The following PRPF40B variants were observed in gnomAD, a reference collection of about 807,000 sequenced individuals.
PRPF40B encodes the protein pre-mRNA processing factor 40B.
In PRPF40B, 56 loss-of-function variants were observed where a neutral mutation model predicts 124.5. That is an observed-to-expected ratio of 0.45 (90% CI 0.36 to 0.56). PRPF40B has a LOEUF of 0.56. PRPF40B is among the 20% of genes least tolerant of loss of function. The pLI, the probability that PRPF40B is intolerant of heterozygous loss-of-function variation, is 0.00. For missense variants in PRPF40B, 1,053 were observed against 1,169.5 expected (o/e 0.90, Z 1.45); for synonymous variants, 443 against 426.4 (o/e 1.04, Z -0.48).
chr12:49,632,996 G>GGGGGGGGCCCCC lies in PRPF40B; in HGVS notation c.349-18_349-17insGGGGGGGCCCCC. 15 of 1,147,382 alleles carry GGGGGGGGCCCCC rather than the reference G, an allele frequency of 1.3e-5. No individual in the cohort carries two copies. Among genetic ancestry groups the GGGGGGGGCCCCC allele is most frequent in the Non-Finnish European group, 1.5e-5 (12 of 822,996 alleles). 71.1% of individuals were successfully genotyped at this position (1,147,382 alleles called of 1,614,324 possible). On this transcript the variant is annotated splice_polypyrimidine_tract_variant and intron_variant, in intron 6 of 25. Coordinates refer to ENST00000548825, the MANE Select transcript of PRPF40B (RefSeq NM_001031698.3). ...AAAGGGGCCTTGACCACCATTCTGT[G>GGGGGGGGCCCCC]CCCCCCCCCCCACCCAGAGGGCCCT...
At chr12:49,640,581 G>A (rs1049954174) in intron 18 of PRPF40B, 17 of 152,204 alleles carry the variant, frequency 1.1e-4, no homozygotes, top group African/African-American at 3.4e-4. Context: ...ACATGTTTTA[G>A]AGTCAGATTA....
chr12:49,630,034 G>A (rs1941073464), intron 1 of PRPF40B, among the ~76,000 whole-genome samples: 1 of 152,184 alleles, frequency 6.6e-6, no homozygotes, highest in Non-Finnish European at 1.5e-5. Flanking sequence ...TGAGAATTAG[G>A]GAGACAAGCA....
rs772585520 is a variant in PRPF40B, at chr12:49,635,211, C to T, written c.1114C>T (p.Leu372=). Residue 372 remains leucine, a synonymous_variant, in exon 13 of 26, where the codon CTG becomes TTG. Transcript: ENST00000548825. The surrounding 1 kb of genome is among the most constrained non-coding windows in gnomAD (Gnocchi z 4.1). ...AAGGGCCAAAGAGGCCAAGCAGACC[C>T]TGCAGCATTTCCTGGAGCAGCATGA... ...RLRAKEAKQT[L]QHFLEQHERM... 4 of 1,614,118 alleles carry T rather than the reference C, an allele frequency of 2.5e-6. No individual in the cohort carries two copies. Among genetic ancestry groups the T allele is most frequent in the Admixed American group, 1.7e-5 (1 of 60,020 alleles).
At chr12:49,624,343 C>T (rs1426306857) in intron 1 of PRPF40B, among the ~76,000 whole-genome samples, 1 of 152,094 alleles carries the variant, frequency 6.6e-6, no homozygotes, top group Non-Finnish European at 1.5e-5. Context: ...AAGATGGAGG[C>T]GAGGCCTTGG....
upstream of PRPF40B, chr12:49,623,551 CG>C (rs1191580778): frequency 8.0e-7 from 1 of 1,242,256 alleles, no homozygotes; most frequent in Non-Finnish European, 1.0e-6. Flanking sequence ...CTCTTACTGG[CG>C]GGTGGGCTGA....
chr12:49,634,825 A>G, intron 12 of PRPF40B: 2 of 643,652 alleles, frequency 3.1e-6, no homozygotes, highest in South Asian at 4.0e-5. Flanking sequence ...AATTGAATCA[A>G]ACGGAATTGA....
chr12:49,625,234 T>A (rs1940600994), intron 1 of PRPF40B, among the ~76,000 whole-genome samples: 1 of 152,224 alleles, frequency 6.6e-6, no homozygotes, highest in South Asian at 2.1e-4. Context: ...TGTGGCGCCA[T>A]CATCCTTGCT....
chr12:49,641,035 GGAGA>G (rs1942567997), intron 18 of PRPF40B: 1 of 152,230 alleles, frequency 6.6e-6, no homozygotes, highest in Non-Finnish European at 1.5e-5. Flanking sequence ...CTATGTGGAG[GGAGA>G]GAAAGGGAAT....
chr12:49,628,278 T>C (rs1013922674), intron 1 of PRPF40B, among the ~76,000 whole-genome samples: 3 of 152,146 alleles, frequency 2.0e-5, no homozygotes, highest in African/African-American at 7.2e-5. Flanking sequence ...GTTTTGTCTT[T>C]TTGAGAGTGT....
At chr12:49,630,041 A>G (rs1402432973) in intron 1 of PRPF40B, among the ~76,000 whole-genome samples, 4 of 152,242 alleles carry the variant, frequency 2.6e-5, no homozygotes, top group Non-Finnish European at 5.9e-5. Flanking sequence ...TAGGGAGACA[A>G]GCATTTTAAA....
chr12:49,633,917 C>T lies in PRPF40B; in HGVS notation c.637C>T (p.Gln213Ter). Residue 213 changes from glutamine to a stop codon, truncating the protein, a stop_gained, in exon 10 of 26, where the codon CAG (glutamine) becomes TAG (stop). Coordinates refer to ENST00000548825, the MANE Select transcript of PRPF40B (RefSeq NM_001031698.3). LOFTEE classifies it high-confidence loss of function. ...KQQQQLPQTLQPQPPQPQPDP... is the reference protein window; with the variant it reads ...KQQQQLPQTL ...GCAGCAGCAGCTGCCACAGACACTT[C>T]AGCCACAGCCACCTCAGCCACAGCC... 2.5e-6 allele frequency: 4 copies of T among 1,614,196 alleles called. No individual in the cohort carries two copies. The highest frequency in any genetic ancestry group is 3.4e-6 in the Non-Finnish European group (4 of 1,180,028).
At position 49,633,554 on chromosome 12, in the gene PRPF40B, T is replaced by A. The variant is rs751621195; in HGVS notation, c.580+7T>A. 8.2e-5 allele frequency: 132 copies of A among 1,614,110 alleles called. No homozygotes were observed. Among genetic ancestry groups the A allele is most frequent in the Non-Finnish European group, 9.4e-5 (111 of 1,180,032 alleles). On this transcript the variant is annotated splice_region_variant and intron_variant, in intron 8 of 25. Transcript: ENST00000548825. ...GATCTGGATGACCTAGAGGGTGAGATGTCCTACGGGTGGGCCAGGTCAGGA... is the reference window on the plus strand; with the variant it reads ...GATCTGGATGACCTAGAGGGTGAGAAGTCCTACGGGTGGGCCAGGTCAGGA...
upstream of PRPF40B, among the ~76,000 whole-genome samples, chr12:49,623,219 A>G (rs1940354215): frequency 6.6e-6 from 1 of 151,838 alleles, no homozygotes; most frequent in South Asian, 2.1e-4. Flanking sequence ...CACCCTACAC[A>G]CTGCGTGAAC....
rs147589180 is a variant in PRPF40B, at chr12:49,637,786, T to C, written c.1729T>C (p.Phe577Leu). Residue 577 changes from phenylalanine (F) to leucine (L), a missense_variant, in exon 18 of 26, where the codon TTC becomes CTC. Coordinates refer to ENST00000548825, the MANE Select transcript of PRPF40B (RefSeq NM_001031698.3). ...KFYVEELKAR[F>L]HDEKKIIKDI... is the part of the protein sequence containing the mutation. ...CTATGTGGAGGAGTTGAAGGCACGA[T>C]TCCATGATGAAAAGAAGATCATTAA... The C allele has an allele frequency of 2.5e-6, 4 of 1,607,908 alleles. No homozygotes were observed. Among genetic ancestry groups the C allele is most frequent in the Non-Finnish European group, 3.4e-6 (4 of 1,176,242 alleles).
chr12:49,633,643 T>C lies in PRPF40B; in HGVS notation c.587T>C (p.Val196Ala), dbSNP rs770296776. The C allele has an allele frequency of 1.9e-6, 3 of 1,614,054 alleles. No individual in the cohort carries two copies. The African/African-American group carries it at 4.0e-5, about 22-fold the overall frequency. The change falls in exon 9 of 26, where the codon GTC becomes GCC. Residue 196 changes from valine (V) to alanine (A), a missense_variant. Val to Ala is a moderately conservative substitution (Grantham distance 64). This residue lies in a region of PRPF40B where 895 missense variants were observed against 1,052.2 expected (regional missense o/e 0.85). Transcript: ENST00000548825. ...TTATCTTTTCCCATCACAGTTCTAG[T>C]CAAACAAGAGGCTGCAGGGTGAGTG... ...PKDLDDLEVL[V>A]KQEAAGKQQQ...
chr12:49,639,134 C>T (rs1407797788), intron 18 of PRPF40B: 3 of 152,064 alleles, frequency 2.0e-5, no homozygotes, highest in Non-Finnish European at 2.9e-5. Context: ...ATTTTTCTCT[C>T]GTAAGTAATG....
Position 49,635,196 on chromosome 12 carries a change from G to C in PRPF40B, c.1099G>C (p.Glu367Gln). 1 of 1,614,158 alleles carries C rather than the reference G, an allele frequency of 6.2e-7. No individual in the cohort carries two copies. The highest frequency in any genetic ancestry group is 8.5e-7 in the Non-Finnish European group (1 of 1,180,022). Residue 367 changes from glutamate (E) to glutamine (Q), a missense_variant, in exon 13 of 26, where the codon GAG becomes CAG. Coordinates refer to ENST00000548825, the MANE Select transcript of PRPF40B (RefSeq NM_001031698.3). The surrounding 1 kb of genome is among the most constrained non-coding windows in gnomAD (Gnocchi z 4.1). ...GGAGGAGGCCCGGCTAAGGGCCAAA[G>C]AGGCCAAGCAGACCCTGCAGCATTT... The part of the protein sequence containing the change: ...EKEEARLRAK[E>Q]AKQTLQHFLE...
intron 9 of PRPF40B, 43 bp downstream of exon 9, chr12:49,633,704 G>C (rs753773941): frequency 1.2e-5 from 20 of 1,613,758 alleles, no homozygotes; most frequent in Non-Finnish European, 1.6e-5. Context: ...TGGGGCACCT[G>C]GAGTGTGGAA....
intron 5 of PRPF40B, 27 bp downstream of exon 5, chr12:49,632,650 C>T (rs757721331): frequency 6.2e-7 from 1 of 1,612,638 alleles, no homozygotes; most frequent in Non-Finnish European, 8.5e-7. Flanking sequence ...CCTGCTCCCC[C>T]CAGGCTCGGA....
Sources: allele counts gnomAD v4.1 joint callset (sites outside exome capture counted in the v4.1 genomes callset), GRCh38; gene constraint gnomAD v4.1.1; regional missense constraint gnomAD v4.1.1; non-coding constraint Gnocchi (gnomAD v3.1); transcripts MANE v1.5; gene names NCBI Gene and HGNC (gene_info 2026-07-23, HGNC 2026-07-21).